The following COL24A1 variants were observed in gnomAD, a reference collection of about 807,000 sequenced individuals.
COL24A1 encodes collagen type XXIV alpha 1 chain, also known as collagen alpha-1(XXIV) chain.
Under a neutral mutation model 253.9 loss-of-function variants are expected in COL24A1, and 224 were observed. The ratio of observed to expected loss-of-function variants is 0.88; its 90% CI spans 0.79 to 0.99. COL24A1 has a LOEUF of 0.99. COL24A1 is among the 50% of genes least tolerant of loss of function. The pLI is 0.00. For synonymous variants in COL24A1, 685 were observed against 673.7 expected (o/e 1.02, Z -0.26); for missense variants, 2,131 against 2,068.5 (o/e 1.03, Z -0.59).
rs1558169033 is a variant in COL24A1 at position 85,799,223 on chromosome 1, G to GAAAGAAAGAAAGAAAGAA, written c.3952-12780_3952-12763dup. ...TCCTTGGCCACATAAAAGAAAGAAA[G>GAAAGAAAGAAAGAAAGAA]AAAGAAAGAAAGAAAGAAAGAAAGA... is the stretch of plus-strand genomic sequence containing the variant. On this transcript the variant is annotated intron_variant, in intron 47 of 59. Coordinates refer to ENST00000370571, the MANE Select transcript of COL24A1 (RefSeq NM_152890.7). Among the ~76,000 whole-genome samples the GAAAGAAAGAAAGAAAGAA allele has an allele frequency of 8.0e-5, 12 of 150,478 alleles. No homozygotes were observed. In the East Asian group the frequency reaches 1.8e-3, roughly 22 times the overall value.
chr1:85,760,928 T>C (rs1331537919), intron 55 of COL24A1, among the ~76,000 whole-genome samples: 1 of 152,138 alleles, frequency 6.6e-6, no homozygotes, highest in Non-Finnish European at 1.5e-5. Flanking sequence ...TGGGTCATAG[T>C]AGTTAGATAA....
At chr1:85,858,143 G>A (rs913786056) in intron 37 of COL24A1, among the ~76,000 whole-genome samples, 6 of 152,234 alleles carry the variant, frequency 3.9e-5, no homozygotes, top group African/African-American at 1.4e-4. Context: ...TACTGCCAAA[G>A]CTTTATAAGT....
chr1:85,796,758 A>G (rs894451866), intron 47 of COL24A1, among the ~76,000 whole-genome samples: 12 of 152,202 alleles, frequency 7.9e-5, no homozygotes, highest in Admixed American at 3.3e-4. Flanking sequence ...CATTTTACAT[A>G]CAATATTTCA....
intron 31 of COL24A1, among the ~76,000 whole-genome samples, chr1:85,890,810 A>T (rs1410840683): frequency 7.9e-5 from 12 of 152,172 alleles, no homozygotes; most frequent in Admixed American, 7.9e-4. Context: ...AAGGCACAGG[A>T]GTCTTGGAAC....
chr1:85,884,459 G>A (rs1682231597), intron 32 of COL24A1, among the ~76,000 whole-genome samples: 1 of 152,016 alleles, frequency 6.6e-6, no homozygotes, highest in African/African-American at 2.4e-5. Context: ...TAGGGTTTGT[G>A]GCACAGTTCC....
At chr1:86,056,898 T>C (rs949166605) in intron 10 of COL24A1, among the ~76,000 whole-genome samples, 1 of 150,886 alleles carries the variant, frequency 6.6e-6, no homozygotes, top group Non-Finnish European at 1.5e-5. Flanking sequence ...CAACAAAAAA[T>C]ATTGCATTTT....
chr1:85,871,070 C>T (rs1046779220), intron 35 of COL24A1, among the ~76,000 whole-genome samples: 16 of 152,232 alleles, frequency 1.1e-4, no homozygotes, highest in Admixed American at 7.2e-4. Context: ...CTACAAACAC[C>T]CCTATGCATA....
intron 37 of COL24A1, among the ~76,000 whole-genome samples, chr1:85,851,255 AT>A (rs1167272472): frequency 6.6e-6 from 1 of 152,052 alleles, no homozygotes; most frequent in Non-Finnish European, 1.5e-5. Context: ...TTTTTAACAC[AT>A]TTTTGTTTTG....
intron 18 of COL24A1, among the ~76,000 whole-genome samples, chr1:86,020,061 CTTTTTTTTTTTTTTTT>C: frequency 9.7e-6 from 1 of 102,630 alleles, no homozygotes; most frequent in South Asian, 3.9e-4. Context: ...TTCATTCTTT[CTTTTTTTTTTTTTTTT>C]TTTTTTTTGA....
intron 16 of COL24A1, 108 bp from the exon 17 acceptor site, chr1:86,022,699 T>C (rs1697661721): frequency 7.5e-7 from 1 of 1,337,134 alleles, no homozygotes; most frequent in Non-Finnish European, 1.0e-6. Context: ...TTTTCTTACT[T>C]CTGAGGAAAA....
At chr1:86,061,164 A>G (rs1200840333) in intron 8 of COL24A1, among the ~76,000 whole-genome samples, 1 of 152,044 alleles carries the variant, frequency 6.6e-6, no homozygotes, top group African/African-American at 2.4e-5. Flanking sequence ...CCGTCTCCCT[A>G]GTGTGAGTTT....
intron 11 of COL24A1, among the ~76,000 whole-genome samples, chr1:86,048,377 T>A (rs1177596668): frequency 2.6e-5 from 4 of 152,214 alleles, no homozygotes; most frequent in African/African-American, 7.2e-5. Flanking sequence ...TTTAGCTACA[T>A]CATTCACAGT....
chr1:85,780,557 C>T (rs1669041935), intron 52 of COL24A1, among the ~76,000 whole-genome samples: 1 of 152,140 alleles, frequency 6.6e-6, no homozygotes, highest in South Asian at 2.1e-4. Flanking sequence ...GGAAAGAGCG[C>T]TGGTCTTGAA....
chr1:85,975,833 C>T (rs1178282511), intron 20 of COL24A1, among the ~76,000 whole-genome samples: 3 of 152,162 alleles, frequency 2.0e-5, no homozygotes, highest in Non-Finnish European at 4.4e-5. Flanking sequence ...CCTCCAGACA[C>T]ACATCCCCAC....
At chr1:85,952,290 G>C (rs1299908972) in intron 24 of COL24A1, among the ~76,000 whole-genome samples, 1 of 152,034 alleles carries the variant, frequency 6.6e-6, no homozygotes, top group Non-Finnish European at 1.5e-5. Context: ...CACTCCTCTT[G>C]AAAATATTTT....
chr1:85,791,059 T>C (rs1670220339), intron 47 of COL24A1, among the ~76,000 whole-genome samples: 1 of 152,140 alleles, frequency 6.6e-6, no homozygotes, highest in Non-Finnish European at 1.5e-5. Flanking sequence ...ATAGCAAAAA[T>C]ACACTTATTT....
chr1:86,066,392 C>T (rs931186284), intron 7 of COL24A1, among the ~76,000 whole-genome samples: 1 of 151,832 alleles, frequency 6.6e-6, no homozygotes, highest in African/African-American at 2.4e-5. Context: ...GCGCCCGCCA[C>T]CATGCCCGGC....
Position 85,744,888 on chromosome 1 carries a change from G to A in COL24A1, c.4504-54C>T, listed in dbSNP as rs894666954. ...GCAAAAAAATCCTGAGGACCAACAT[G>A]GGCCAAGGCAGGAGAAGAATGTGTT... On this transcript the variant is annotated intron_variant, in intron 56 of 59. Transcript: ENST00000370571. The A allele has an allele frequency of 2.3e-5, 32 of 1,381,748 alleles. No homozygotes were observed. In the Admixed American group the frequency reaches 5.6e-4, roughly 24 times the overall value. 85.6% of individuals were successfully genotyped at this position (1,381,748 alleles called of 1,614,324 possible).
At chr1:85,966,883 GAA>G (rs1232738396) in intron 22 of COL24A1, among the ~76,000 whole-genome samples, 3 of 152,002 alleles carry the variant, frequency 2.0e-5, no homozygotes, top group Non-Finnish European at 4.4e-5. Flanking sequence ...AAAAGGGAAA[GAA>G]AAAATAGGGT....
Sources: gnomAD v4.1 joint callset for allele counts (sites outside exome capture counted in the v4.1 genomes callset) on GRCh38, gnomAD v4.1.1 for gene constraint, MANE v1.5 for transcripts, NCBI Gene and HGNC (gene_info 2026-07-23, HGNC 2026-07-21) for gene names.